The following ZNF556 variants were observed in gnomAD, a reference collection of about 807,000 sequenced individuals.
ZNF556 encodes zinc finger protein 556.
In ZNF556, 11 loss-of-function variants were observed where a neutral mutation model predicts 13.6. The observed-to-expected ratio is 0.81, with a 90% CI of 0.51 to 1.33. The LOEUF (loss-of-function observed/expected upper bound fraction) is 1.33, where lower values mean the gene tolerates loss of function less well. ZNF556 is among the 40% of genes most tolerant of loss of function. The pLI is 0.00. For synonymous variants in ZNF556, 229 were observed against 207.8 expected, an observed-to-expected ratio of 1.10 and a Z score of -0.88; for missense variants, 633 against 566.2, an observed-to-expected ratio of 1.12 and a Z score of -1.20.
chr19:2,867,693 G>A (rs1261896745), intron 1 of ZNF556, among the ~76,000 whole-genome samples: 3 of 74,308 alleles, frequency 4.0e-5, no homozygotes, highest in African/African-American at 1.2e-4. Flanking sequence ...TTAATTGGAA[G>A]AAAAACTAAC....
Position 2,878,230 on chromosome 19 carries a change from C to A in ZNF556, c.1272C>A (p.Pro424=), listed in dbSNP as rs148803673. 6.2e-7 allele frequency: 1 copy of A among 1,613,980 alleles called. No individual in the cohort carries two copies. The highest frequency in any genetic ancestry group is 1.3e-5 in the African/African-American group (1 of 74,908). ...KNVRTQIGQK[P]SKCEKCGKAF... ...TAAGAACGCAGATTGGACAGAAGCC[C>A]AGTAAATGCGAAAAATGTGGGAAAG... The change falls in exon 4 of 4, where the codon CCC becomes CCA. Residue 424 remains proline (P), a synonymous_variant. Transcript: ENST00000307635.
Position 2,870,453 on chromosome 19 carries a change from A to G in ZNF556, c.3+3029A>G, listed in dbSNP as rs181555255. On this transcript the variant is annotated intron_variant, in intron 1 of 3. Coordinates refer to ENST00000307635, the MANE Select transcript of ZNF556 (RefSeq NM_024967.3). The stretch of plus-strand genomic sequence containing the variant: ...CACAGCAGAGTGAGACCTTGTCTCT[A>G]AAAAATTTTCTGGCCAGGCACGATG... Among the ~76,000 whole-genome samples the G allele has an allele frequency of 8.9e-3, 1,338 of 151,094 alleles. 63 individuals are homozygous for G. Among genetic ancestry groups the G allele is most frequent in the Admixed American group, 0.078 (1,186 of 15,124 alleles).
In ZNF556 at chr19:2,882,407, G is replaced by A. The variant is rs1466332974; in HGVS notation, c.*4078G>A. ...CGAACCACTACACTCCAGCCTGGGCGACTGAGTGGGACTCTGTCTCAAAAA... is the reference window on the plus strand; with the variant it reads ...CGAACCACTACACTCCAGCCTGGGCAACTGAGTGGGACTCTGTCTCAAAAA... On this transcript the variant is annotated 3_prime_UTR_variant, in exon 4 of 4. Coordinates refer to ENST00000307635, the MANE Select transcript of ZNF556 (RefSeq NM_024967.3). 5 of 151,316 alleles carry A rather than the reference G, an allele frequency of 3.3e-5. No homozygotes were observed. Among genetic ancestry groups the A allele is most frequent in the East Asian group, 1.9e-4 (1 of 5,156 alleles). 9.4% of individuals were successfully genotyped at this position (151,316 alleles called of 1,614,324 possible).
rs1472999558 is a variant in ZNF556, at chr19:2,881,563, G to T, written c.*3234G>T. On this transcript the variant is annotated 3_prime_UTR_variant, in exon 4 of 4. Coordinates refer to ENST00000307635, the MANE Select transcript of ZNF556 (RefSeq NM_024967.3). ...CTGCACTCCAGCCTGGGCGACAAGA[G>T]TAAGACTCCATCTCAAAAAAAAAAA... 6.6e-6 allele frequency: 1 copy of T among 150,570 alleles called. No individual in the cohort carries two copies. Among genetic ancestry groups the T allele is most frequent in the East Asian group, 2.0e-4 (1 of 5,094 alleles). 9.3% of individuals were successfully genotyped at this position (150,570 alleles called of 1,614,324 possible). A position where few individuals can be genotyped will look rare whatever the true frequency, so the allele number is the denominator to read the frequency against.
Position 2,878,887 on chromosome 19 carries a change from T to C in ZNF556, c.*558T>C, listed in dbSNP as rs1227746996. ...ATGGTTTTTTCTTATAAATTACTAA[T>C]GTTTCTCTTTTCATTTAGAAGTGTA... is the stretch of plus-strand genomic sequence containing the variant. On this transcript the variant is annotated 3_prime_UTR_variant, in exon 4 of 4. Coordinates refer to ENST00000307635, the MANE Select transcript of ZNF556 (RefSeq NM_024967.3). 6.6e-6 allele frequency: 1 copy of C among 152,522 alleles called. No homozygotes were observed. The highest frequency in any genetic ancestry group is 2.4e-5 in the African/African-American group (1 of 41,454). 9.4% of individuals were successfully genotyped at this position (152,522 alleles called of 1,614,324 possible).
intron 1 of ZNF556, among the ~76,000 whole-genome samples, chr19:2,872,602 T>A (rs1371125823): frequency 6.6e-6 from 1 of 152,060 alleles, no homozygotes; most frequent in African/African-American, 2.4e-5. Flanking sequence ...CTATTCTTAC[T>A]TGATATTTTA....
chr19:2,871,100 G>T (rs1412919645), intron 1 of ZNF556, among the ~76,000 whole-genome samples: 3 of 148,066 alleles, frequency 2.0e-5, no homozygotes, highest in African/African-American at 7.5e-5. Flanking sequence ...AAACACAGAG[G>T]TTGCAGTGAG....
chr19:2,877,583 G>A lies in ZNF556; in HGVS notation c.625G>A (p.Gly209Arg), dbSNP rs374001405. Residue 209 changes from glycine (G) to arginine (R), a missense_variant, in exon 4 of 4, where the codon GGG (glycine) becomes AGG (arginine). Gly to Arg is a moderately radical substitution (Grantham distance 125). Transcript: ENST00000307635. The stretch of plus-strand genomic sequence containing the variant: ...GAAACCCTATGCCTGTCAATCTTGC[G>A]GGAAGACATTTCTTCGTTCCCACTC... ...GEKPYACQSC[G>R]KTFLRSHSLT... 5.8e-5 allele frequency: 93 copies of A among 1,614,130 alleles called. No homozygotes were observed. Among genetic ancestry groups the A allele is most frequent in the South Asian group, 3.5e-4 (32 of 91,074 alleles).
Position 2,877,282 on chromosome 19 carries a change from A to G in ZNF556, c.324A>G (p.Pro108=). 4 of 1,601,192 alleles carry G rather than the reference A, an allele frequency of 2.5e-6. No homozygotes were observed. The highest frequency in any genetic ancestry group is 3.4e-6 in the Non-Finnish European group (4 of 1,173,452). Residue 108 remains proline, a synonymous_variant, in exon 4 of 4, where the codon CCA becomes CCG. Transcript: ENST00000307635. ...NTKERHLSRN[P]RVERPCKSSK... is the part of the protein sequence containing the mutation. ...TGCTACCCATTTTTAGCAGAAATCC[A>G]AGGGTGGAGAGACCATGTAAAAGCA...
At chr19:2,871,610 G>A (rs527671541) in intron 1 of ZNF556, among the ~76,000 whole-genome samples, 3 of 152,254 alleles carry the variant, frequency 2.0e-5, no homozygotes, top group South Asian at 2.1e-4. Context: ...CCAGGGGTTC[G>A]AGACCAGCCT....
chr19:2,874,592 A>C (rs2087833682), intron 2 of ZNF556, among the ~76,000 whole-genome samples: 1 of 151,698 alleles, frequency 6.6e-6, no homozygotes, highest in Non-Finnish European at 1.5e-5. Context: ...AAAATACAAA[A>C]AATTAGCCAG....
Position 2,879,141 on chromosome 19 carries a change from T to C in ZNF556, c.*812T>C, listed in dbSNP as rs2087885760. ...TTTTAATGTTAATACTTTCTACTTATACAGGCAAGTAATTCAGTGGCTTTA... is the reference window on the plus strand; with the variant it reads ...TTTTAATGTTAATACTTTCTACTTACACAGGCAAGTAATTCAGTGGCTTTA... On this transcript the variant is annotated 3_prime_UTR_variant, in exon 4 of 4. Transcript: ENST00000307635. The C allele has an allele frequency of 6.6e-6, 1 of 152,174 alleles. No homozygotes were observed. Among genetic ancestry groups the C allele is most frequent in the Admixed American group, 6.6e-5 (1 of 15,262 alleles). The allele number at this position is 152,174 out of a possible 1,614,324, so 9.4% of individuals were successfully genotyped here. A position where few individuals can be genotyped will look rare whatever the true frequency, so the allele number is the denominator to read the frequency against.
intron 1 of ZNF556, 119 bp downstream of exon 1, chr19:2,867,543 C>A: frequency 7.1e-7 from 1 of 1,417,716 alleles, no homozygotes; most frequent in Non-Finnish European, 9.7e-7. Context: ...AGCCTCTGTC[C>A]CTGTGTCACC....
intron 1 of ZNF556, among the ~76,000 whole-genome samples, chr19:2,872,123 G>A (rs1484526869): frequency 6.6e-6 from 1 of 152,192 alleles, no homozygotes; most frequent in African/African-American, 2.4e-5. Flanking sequence ...GACCACTGAA[G>A]CACAGTATCA....
chr19:2,868,274 GC>G (rs1376281310), intron 1 of ZNF556, among the ~76,000 whole-genome samples: 2 of 151,900 alleles, frequency 1.3e-5, no homozygotes, highest in Non-Finnish European at 2.9e-5. Flanking sequence ...ATTATGACAC[GC>G]CCCGAAATGA....
intron 2 of ZNF556, among the ~76,000 whole-genome samples, chr19:2,874,758 A>AAAAT: frequency 7.6e-6 from 1 of 130,776 alleles, no homozygotes; most frequent in South Asian, 2.4e-4. Context: ...AAAAAAAAAA[A>AAAAT]AAAGAAAGAA....
chr19:2,882,531 A>ATATATATATATATAGTGTGTGTGT lies in ZNF556; in HGVS notation c.*4202_*4203insTATATATATATATAGTGTGTGTGT, dbSNP rs57053138. On this transcript the variant is annotated 3_prime_UTR_variant, in exon 4 of 4. Transcript: ENST00000307635. ...ATACATTTTATATATATATATATAT[A>ATATATATATATATAGTGTGTGTGT]GTGTGTGTGTGTGTGTGTGTGTGTG... 1.2e-4 allele frequency: 15 copies of ATATATATATATATAGTGTGTGTGT among 127,718 alleles called. No individual in the cohort carries two copies. Among genetic ancestry groups the ATATATATATATATAGTGTGTGTGT allele is most frequent in the Non-Finnish European group, 1.3e-4 (8 of 62,716 alleles). 7.9% of individuals were successfully genotyped at this position (127,718 alleles called of 1,614,324 possible). A position where few individuals can be genotyped will look rare whatever the true frequency, so the allele number is the denominator to read the frequency against.
rs770911873 is a variant in ZNF556, at chr19:2,873,593, T to G, written c.101T>G (p.Leu34Arg). The G allele has an allele frequency of 1.2e-6, 2 of 1,614,110 alleles. No individual in the cohort carries two copies. Among genetic ancestry groups the G allele is most frequent in the Non-Finnish European group, 1.7e-6 (2 of 1,179,960 alleles). ...AQRKLYRDVM[L>R]ETFKHLASVD... is the part of the protein sequence containing the mutation. ...AGAAAACTCTACAGAGATGTCATGCTGGAGACCTTCAAGCACCTGGCCTCA... is the reference window on the plus strand; with the variant it reads ...AGAAAACTCTACAGAGATGTCATGCGGGAGACCTTCAAGCACCTGGCCTCA... Residue 34 changes from leucine to arginine, a missense_variant, in exon 2 of 4, where the codon CTG becomes CGG. Physicochemically the swap from Leu to Arg is moderately radical, Grantham distance 102. Transcript: ENST00000307635.
In ZNF556 at chr19:2,881,735, G is replaced by A. The variant is rs1291143964; in HGVS notation, c.*3406G>A. 2.0e-5 allele frequency: 3 copies of A among 151,910 alleles called. No individual in the cohort carries two copies. Among genetic ancestry groups the A allele is most frequent in the East Asian group, 1.9e-4 (1 of 5,200 alleles). The allele number at this position is 151,910 out of a possible 1,614,324, so 9.4% of individuals were successfully genotyped here. On this transcript the variant is annotated 3_prime_UTR_variant, in exon 4 of 4. Coordinates refer to ENST00000307635, the MANE Select transcript of ZNF556 (RefSeq NM_024967.3). The stretch of plus-strand genomic sequence containing the variant: ...CATTTATAGTTCCACCATGTAATAT[G>A]TCTTAAATACTATTTCTTTTTTTTT...
Sources: gnomAD v4.1 joint callset for allele counts (sites outside exome capture counted in the v4.1 genomes callset) on GRCh38, gnomAD v4.1.1 for gene constraint, MANE v1.5 for transcripts, NCBI Gene and HGNC (gene_info 2026-07-23, HGNC 2026-07-21) for gene names.